The following BTBD8 variants were observed in gnomAD, a reference collection of about 807,000 sequenced individuals.
BTBD8 encodes the protein BTB domain containing 8, also known as BTB/POZ domain-containing protein 8.
In BTBD8, 110 loss-of-function variants were observed where a neutral mutation model predicts 162.9. The observed-to-expected ratio is 0.68, with a 90% CI of 0.58 to 0.79. The LOEUF (loss-of-function observed/expected upper bound fraction) is 0.79, where lower values mean the gene tolerates loss of function less well. Among genes scored for constraint, BTBD8 ranks in the 30% least tolerant of loss-of-function variants. BTBD8 has a pLI of 0.00. For missense variants in BTBD8, 1,905 were observed against 2,085.4 expected (o/e 0.91, Z 1.68); for synonymous variants, 667 against 716.1 (o/e 0.93, Z 1.10).
chr1:92,172,783 A>G lies in BTBD8; in HGVS notation c.1635+1323A>G, dbSNP rs148650030. Reference sequence around the variant, plus strand: ...TTGTCATGGCTTGAGGAAGAGGTCAAGCTCCAAATGTCTTGAGTGAGAAAC... The same window carrying G: ...TTGTCATGGCTTGAGGAAGAGGTCAGGCTCCAAATGTCTTGAGTGAGAAAC... On this transcript the variant is annotated intron_variant, in intron 13 of 17. Transcript: ENST00000636805. Among the ~76,000 whole-genome samples, 27 of 152,376 alleles carry G rather than the reference A, an allele frequency of 1.8e-4. No individual in the cohort carries two copies. The East Asian group carries it at 5.0e-3, about 28-fold the overall frequency.
chr1:92,182,475 C>T lies in BTBD8; in HGVS notation c.4792C>T (p.Pro1598Ser), dbSNP rs539628101. The T allele has an allele frequency of 1.7e-5, 26 of 1,551,530 alleles. No individual in the cohort carries two copies. The Middle Eastern group carries it at 1.7e-3, about 100-fold the overall frequency. The change falls in exon 17 of 18, where the codon CCA becomes TCA. Residue 1598 changes from proline (P) to serine (S), a missense_variant. Pro to Ser is a moderately conservative substitution (Grantham distance 74). Transcript: ENST00000636805. ...LHQREPNSDI[P>S]KNSSTKSLDS... ...TCAAAGAGAACCCAATTCTGACATA[C>T]CAAAGAACAGCTCTACAAAATCTCT...
intron 5 of BTBD8, among the ~76,000 whole-genome samples, chr1:92,136,651 C>A (rs543761270): frequency 2.8e-4 from 42 of 152,300 alleles, no homozygotes; most frequent in African/African-American, 9.4e-4. Flanking sequence ...GATGTGTTAA[C>A]AAAAATACTG....
chr1:92,109,485 T>C (rs1167751944), intron 4 of BTBD8, among the ~76,000 whole-genome samples: 4 of 152,162 alleles, frequency 2.6e-5, no homozygotes, highest in Non-Finnish European at 5.9e-5. Flanking sequence ...GACTGTGTTT[T>C]AGGAGCTGGA....
At chr1:92,094,570 G>T (rs1648399055) in intron 2 of BTBD8, among the ~76,000 whole-genome samples, 1 of 152,104 alleles carries the variant, frequency 6.6e-6, no homozygotes. Context: ...TAGCCCTTTG[G>T]TGTGTACTTT....
At chr1:92,099,559 C>T (rs1009615584) in intron 2 of BTBD8, among the ~76,000 whole-genome samples, 4 of 152,064 alleles carry the variant, frequency 2.6e-5, no homozygotes, top group African/African-American at 9.7e-5. Flanking sequence ...TATTTAGTTG[C>T]TTTCGACATT....
intron 2 of BTBD8, among the ~76,000 whole-genome samples, chr1:92,090,544 C>A (rs1243769464): frequency 1.3e-5 from 2 of 152,144 alleles, no homozygotes; most frequent in African/African-American, 4.8e-5. Context: ...AGACTCTTAT[C>A]ACAAATATGA....
At chr1:92,084,158 T>C (rs1648093984) in intron 1 of BTBD8, among the ~76,000 whole-genome samples, 1 of 152,234 alleles carries the variant, frequency 6.6e-6, no homozygotes, top group African/African-American at 2.4e-5. Context: ...TTATCCCATC[T>C]TTATCACCAT....
At chr1:92,115,842 G>A (rs74102832) in intron 4 of BTBD8, 5,007 of 168,164 alleles carry the variant, frequency 0.03, 246 homozygotes, top group African/African-American at 0.096. Context: ...GCCCAAGAAC[G>A]GAAGGAGCAG....
chr1:92,171,386 T>C lies in BTBD8; in HGVS notation c.1574-13T>C, dbSNP rs1436672951. On this transcript the variant is annotated splice_polypyrimidine_tract_variant and intron_variant, in intron 12 of 17. Coordinates refer to ENST00000636805, the MANE Select transcript of BTBD8 (RefSeq NM_001376131.1). Reference sequence around the variant, plus strand: ...TGTTCCTTATAAAAACAAATTGCTGTTTCTTTCTACAGCTGCATTTGACAA... The same window carrying C: ...TGTTCCTTATAAAAACAAATTGCTGCTTCTTTCTACAGCTGCATTTGACAA... The C allele has an allele frequency of 7.2e-6, 11 of 1,538,340 alleles. No homozygotes were observed. The highest frequency in any genetic ancestry group is 8.8e-6 in the Non-Finnish European group (10 of 1,139,982).
At chr1:92,159,396 C>A (rs1414578449) in intron 9 of BTBD8, among the ~76,000 whole-genome samples, 1 of 151,918 alleles carries the variant, frequency 6.6e-6, no homozygotes, top group South Asian at 2.1e-4. Flanking sequence ...AGGCTGGTCT[C>A]GAACTCCTGA....
At chr1:92,140,199 A>C (rs899267344) in intron 6 of BTBD8, among the ~76,000 whole-genome samples, 1 of 151,374 alleles carries the variant, frequency 6.6e-6, no homozygotes, top group Non-Finnish European at 1.5e-5. Context: ...AGGCGGGAGG[A>C]TAGCTTGAGC....
chr1:92,113,522 A>G (rs1270500849), intron 4 of BTBD8, among the ~76,000 whole-genome samples: 1 of 152,246 alleles, frequency 6.6e-6, no homozygotes, highest in African/African-American at 2.4e-5. Flanking sequence ...AAGTTGGGCA[A>G]GGCCATTATT....
At position 92,180,401 on chromosome 1, in the gene BTBD8, C is replaced by T. The variant is rs1356133695; in HGVS notation, c.2718C>T (p.His906=). 1.3e-6 allele frequency: 2 copies of T among 1,551,492 alleles called. No homozygotes were observed. The highest frequency in any genetic ancestry group is 2.7e-5 in the African/African-American group (2 of 73,016). The change falls in exon 17 of 18, where the codon CAC becomes CAT. Residue 906 remains histidine, a synonymous_variant. Coordinates refer to ENST00000636805, the MANE Select transcript of BTBD8 (RefSeq NM_001376131.1). The part of the protein sequence containing the change: ...APKRKMVKQV[H]TALPKVNAKI... ...AGAGAAAAATGGTCAAGCAAGTACA[C>T]ACAGCTTTGCCTAAGGTTAATGCAA...
intron 16 of BTBD8, among the ~76,000 whole-genome samples, chr1:92,178,768 C>A (rs910857339): frequency 6.6e-6 from 1 of 152,094 alleles, no homozygotes; most frequent in Non-Finnish European, 1.5e-5. Context: ...GGATTACAGG[C>A]ATGAGTCAAC....
Position 92,127,436 on chromosome 1 carries a change from G to A in BTBD8, c.663-2251G>A, listed in dbSNP as rs376153616. On this transcript the variant is annotated intron_variant, in intron 4 of 17. Coordinates refer to ENST00000636805, the MANE Select transcript of BTBD8 (RefSeq NM_001376131.1). Reference sequence around the variant, plus strand: ...TGCTACAACTAGATTCAGTTGGAACGAAAGTCATAACAGAAATGGAGGTGA... The same window carrying A: ...TGCTACAACTAGATTCAGTTGGAACAAAAGTCATAACAGAAATGGAGGTGA... Among the ~76,000 whole-genome samples, 89 of 152,264 alleles carry A rather than the reference G, an allele frequency of 5.8e-4. 1 individual carries two copies. The highest frequency in any genetic ancestry group is 2.0e-3 in the African/African-American group (83 of 41,558).
chr1:92,151,289 G>C (rs1233339933), intron 9 of BTBD8, among the ~76,000 whole-genome samples: 1 of 151,686 alleles, frequency 6.6e-6, no homozygotes, highest in African/African-American at 2.4e-5. Context: ...AGGAGGCAGA[G>C]GTTGCAGTAA....
chr1:92,178,549 A>C, intron 16 of BTBD8, 98 bp downstream of exon 16: 1 of 918,896 alleles, frequency 1.1e-6, no homozygotes, highest in East Asian at 2.8e-5. Context: ...AATAAGCAAA[A>C]TATGGTTTTA....
intron 17 of BTBD8, among the ~76,000 whole-genome samples, chr1:92,183,462 G>A (rs1322515004): frequency 4.6e-5 from 7 of 151,386 alleles, no homozygotes. Flanking sequence ...TAGGTGAAAT[G>A]TATTTATCCC....
rs374172609 is a variant in BTBD8, at chr1:92,080,862, G to GT, written c.149+143dup. On this transcript the variant is annotated intron_variant, in intron 1 of 17. Coordinates refer to ENST00000636805, the MANE Select transcript of BTBD8 (RefSeq NM_001376131.1). Reference sequence around the variant, plus strand: ...TCAGGCGACTGCGGGTCGTTAGCCAGTCTCCCCACTATTCCGAAAAGTGGC... The same window carrying GT: ...TCAGGCGACTGCGGGTCGTTAGCCAGTTCTCCCCACTATTCCGAAAAGTGGC... The GT allele has an allele frequency of 3.2e-4, 430 of 1,324,746 alleles. 3 individuals are homozygous for GT. The African/African-American group carries it at 5.9e-3, about 18-fold the overall frequency. 82.1% of individuals were successfully genotyped at this position (1,324,746 alleles called of 1,614,324 possible). A position where few individuals can be genotyped will look rare whatever the true frequency, so the allele number is the denominator to read the frequency against.
Sources: gnomAD v4.1 joint callset for allele counts (sites outside exome capture counted in the v4.1 genomes callset) on GRCh38, gnomAD v4.1.1 for gene constraint, MANE v1.5 for transcripts, NCBI Gene and HGNC (gene_info 2026-07-23, HGNC 2026-07-21) for gene names.